Variants in DPP6 observed in about 807,000 individuals in gnomAD.
DPP6 encodes the protein dipeptidyl peptidase like 6.
In DPP6, 69 loss-of-function variants were observed where a neutral mutation model predicts 122.6. That is an observed-to-expected ratio of 0.56 (90% CI 0.46 to 0.69). The LOEUF is 0.69. Ranked by LOEUF, DPP6 falls within the 30% of genes least tolerant of loss-of-function variation. The probability of loss-of-function intolerance (pLI) is 0.00; values close to 1 mark genes in which losing one functional copy is unlikely to be tolerated. For synonymous variants in DPP6, 418 were observed against 433.1 expected (o/e 0.97, Z 0.43); for missense variants, 928 against 1,116.9 (o/e 0.83, Z 2.41).
chr7:154,216,850 T>A (rs1800029918), intron 1 of DPP6, among the ~76,000 whole-genome samples: 1 of 110,488 alleles, frequency 9.1e-6, no homozygotes, highest in South Asian at 3.3e-4. Context: ...TTTTTTTTTT[T>A]CAAATTATAA....
intron 1 of DPP6, among the ~76,000 whole-genome samples, chr7:154,236,025 G>C (rs1028627442): frequency 2.6e-5 from 4 of 151,940 alleles, no homozygotes; most frequent in Non-Finnish European, 4.4e-5. Flanking sequence ...GCTAATTTTT[G>C]TATTTGTAAT....
At chr7:154,647,972 C>T (rs369860853) in intron 6 of DPP6, among the ~76,000 whole-genome samples, 14 of 151,896 alleles carry the variant, frequency 9.2e-5, no homozygotes, top group Non-Finnish European at 1.6e-4. Context: ...TGAGCCTGGC[C>T]GGGCACAGTG....
chr7:154,256,316 C>T (rs1802657582), intron 1 of DPP6, among the ~76,000 whole-genome samples: 1 of 152,102 alleles, frequency 6.6e-6, no homozygotes, highest in Non-Finnish European at 1.5e-5. Context: ...GTAAGTACAC[C>T]ATGCAGGGGC....
chr7:154,773,507 T>A (rs1202893829), intron 10 of DPP6, among the ~76,000 whole-genome samples: 2 of 152,140 alleles, frequency 1.3e-5, no homozygotes, highest in African/African-American at 4.8e-5. Flanking sequence ...TGAATATCAG[T>A]TTAGTATTTT....
intron 1 of DPP6, among the ~76,000 whole-genome samples, chr7:154,373,235 T>C (rs1034207194): frequency 4.6e-5 from 7 of 152,238 alleles, no homozygotes; most frequent in Non-Finnish European, 7.3e-5. Flanking sequence ...AGGTTCACAG[T>C]CTGTGTAGTC....
chr7:153,889,874 G>C (rs1362214187), intron 1 of DPP6, among the ~76,000 whole-genome samples: 1 of 152,186 alleles, frequency 6.6e-6, no homozygotes, highest in Non-Finnish European at 1.5e-5. Context: ...TTCTTGAATT[G>C]ATAATTATGG....
intron 1 of DPP6, among the ~76,000 whole-genome samples, chr7:154,007,712 G>A (rs1046659955): frequency 1.3e-5 from 2 of 152,102 alleles, no homozygotes; most frequent in African/African-American, 4.8e-5. Context: ...GAATGTGTCA[G>A]AGGGCCATCT....
chr7:153,797,525 A>G, the DPP6 span, among the ~76,000 whole-genome samples: 1 of 152,190 alleles, frequency 6.6e-6, no homozygotes, highest in South Asian at 2.1e-4. Flanking sequence ...CAGGAAGAAT[A>G]ATAAGCTCAT....
At chr7:154,668,509 G>A (rs1418053752) in intron 6 of DPP6, among the ~76,000 whole-genome samples, 7 of 151,820 alleles carry the variant, frequency 4.6e-5, no homozygotes, top group South Asian at 2.1e-4. Context: ...GTGAGCCACC[G>A]CGCTCAGCCC....
At chr7:154,815,878 CCTT>C (rs1799396115) in intron 16 of DPP6, among the ~76,000 whole-genome samples, 2 of 152,176 alleles carry the variant, frequency 1.3e-5, no homozygotes, top group Non-Finnish European at 2.9e-5. Context: ...ACAGGCTTCT[CCTT>C]CTCCAAGTTG....
At position 154,192,459 on chromosome 7, in the gene DPP6, A is replaced by G. The variant is rs181051479; in HGVS notation, c.243+139396A>G. Among the ~76,000 whole-genome samples the G allele has an allele frequency of 1.6e-3, 246 of 152,332 alleles. 1 individual carries two copies. The highest frequency in any genetic ancestry group is 5.7e-3 in the African/African-American group (237 of 41,580). Reference sequence around the variant, plus strand: ...GTATTGCACCAGCACTGCAGAGGCAATTAGGGCAGAGGCCTTAATAAGAAG... The same window carrying G: ...GTATTGCACCAGCACTGCAGAGGCAGTTAGGGCAGAGGCCTTAATAAGAAG... On this transcript the variant is annotated intron_variant, in intron 1 of 25. Transcript: ENST00000377770.
At chr7:154,065,784 G>C (rs951380574) in intron 1 of DPP6, among the ~76,000 whole-genome samples, 3 of 152,034 alleles carry the variant, frequency 2.0e-5, no homozygotes, top group Admixed American at 6.5e-5. Context: ...GTTGGACTCA[G>C]GTTTTCCTCA....
chr7:154,130,902 A>G (rs1795242567), intron 1 of DPP6, among the ~76,000 whole-genome samples: 1 of 152,198 alleles, frequency 6.6e-6, no homozygotes, highest in Admixed American at 6.5e-5. Context: ...TGCCTCAGCC[A>G]GACATGTCCA....
chr7:153,871,593 C>A, the DPP6 span, among the ~76,000 whole-genome samples: 8 of 152,208 alleles, frequency 5.3e-5, no homozygotes, highest in Non-Finnish European at 7.3e-5. Flanking sequence ...TGACCCCTTG[C>A]ACTTCCTGGG....
intron 1 of DPP6, among the ~76,000 whole-genome samples, chr7:153,977,880 G>A (rs545569101): frequency 5.3e-5 from 8 of 152,156 alleles, no homozygotes; most frequent in South Asian, 4.2e-4. Context: ...AAAAGGACAC[G>A]AACTCATTCT....
chr7:153,885,343 C>T (rs140447904), upstream of DPP6, among the ~76,000 whole-genome samples: 54 of 152,178 alleles, frequency 3.5e-4, no homozygotes, highest in East Asian at 9.6e-3. Flanking sequence ...ATTTTTGTCT[C>T]TCCCTTTTCC....
In DPP6 at chr7:154,060,476, C is replaced by T. The variant is rs557087283; in HGVS notation, c.243+7413C>T. On this transcript the variant is annotated intron_variant, in intron 1 of 25. Transcript: ENST00000377770. ...CCCTCTTCCCCCTCTGGCTTAGGAC[C>T]TCCATCGTTGATCCTAAGATCCTTA... is the stretch of plus-strand genomic sequence containing the variant. Among the ~76,000 whole-genome samples the T allele has an allele frequency of 1.3e-4, 17 of 134,342 alleles. 2 individuals carry two copies. Among genetic ancestry groups the T allele is most frequent in the Non-Finnish European group, 2.2e-4 (14 of 63,302 alleles). The allele number at this position is 134,342 out of a possible 152,430, so 88.1% of individuals were successfully genotyped here. A position where few individuals can be genotyped will look rare whatever the true frequency, so the allele number is the denominator to read the frequency against.
At chr7:153,857,478 T>C in the DPP6 span, among the ~76,000 whole-genome samples, 5 of 152,136 alleles carry the variant, frequency 3.3e-5, no homozygotes, top group African/African-American at 1.2e-4. Flanking sequence ...TTGAAAAATT[T>C]CCTCTCTGCG....
intron 7 of DPP6, among the ~76,000 whole-genome samples, chr7:154,702,217 C>T (rs1480989423): frequency 1.3e-5 from 2 of 152,372 alleles, no homozygotes; most frequent in East Asian, 1.9e-4. Context: ...ATTTCCCTCA[C>T]CTCCTCTTGG....
Sources: gnomAD v4.1 joint callset for allele counts (sites outside exome capture counted in the v4.1 genomes callset) on GRCh38, gnomAD v4.1.1 for gene constraint, MANE v1.5 for transcripts, NCBI Gene and HGNC (gene_info 2026-07-23, HGNC 2026-07-21) for gene names.